STARD9: variants seen among roughly 807,000 people sequenced by gnomAD.
The protein encoded by STARD9 is StAR related lipid transfer domain containing 9, also known as stAR-related lipid transfer protein 9.
In STARD9, 346 loss-of-function variants were observed where a neutral mutation model predicts 399.8. The ratio of observed to expected loss-of-function variants is 0.87; its 90% CI spans 0.79 to 0.95. The LOEUF (loss-of-function observed/expected upper bound fraction) is 0.95. STARD9 is among the 40% of genes least tolerant of loss of function. The pLI, the probability that STARD9 is intolerant of heterozygous loss-of-function variation, is 0.00. For synonymous variants in STARD9, 2,203 were observed against 2,143.5 expected, an observed-to-expected ratio of 1.03 and a Z score of -0.77; for missense variants, 5,832 against 5,667.5, an observed-to-expected ratio of 1.03 and a Z score of -0.93.
intron 26 of STARD9, among the ~76,000 whole-genome samples, chr15:42,700,404 A>G (rs569457670): frequency 6.6e-6 from 1 of 152,354 alleles, no homozygotes; most frequent in Admixed American, 6.5e-5. Flanking sequence ...CCAGCAGTGT[A>G]TAAGAGTTCC....
At position 42,691,244 on chromosome 15, in the gene STARD9, T is replaced by G. The variant is rs996948883; in HGVS notation, c.9666T>G (p.Gly3222=). Residue 3222 remains glycine, a synonymous_variant, in exon 23 of 33, where the codon GGT becomes GGG. Transcript: ENST00000290607. ...EEQHRDQASG[G]GEGFAQGVNP... ...AGCACAGAGACCAGGCTTCAGGTGG[T>G]GGAGAAGGCTTCGCCCAGGGTGTGA... 6.5e-7 allele frequency: 1 copy of G among 1,537,102 alleles called. No individual in the cohort carries two copies.
chr15:42,689,297 A>G lies in STARD9; in HGVS notation c.7719A>G (p.Thr2573=), dbSNP rs1050033269. ...TTCATGACTTTGTGGCCAGGGGCAC[A>G]GTCCTTTCTTACTGTGAAACTTTAC... is the stretch of plus-strand genomic sequence containing the variant. ...KQLHDFVARG[T]VLSYCETLLE... is the part of the protein sequence containing the mutation. Residue 2573 remains threonine (T), a synonymous_variant, in exon 23 of 33, where the codon ACA becomes ACG. Coordinates refer to ENST00000290607, the MANE Select transcript of STARD9 (RefSeq NM_020759.3). 2 of 1,537,160 alleles carry G rather than the reference A, an allele frequency of 1.3e-6. No individual in the cohort carries two copies. Among genetic ancestry groups the G allele is most frequent in the South Asian group, 1.2e-5 (1 of 84,072 alleles).
At chr15:42,649,261 C>T (rs2059708559) in intron 7 of STARD9, among the ~76,000 whole-genome samples, 1 of 152,092 alleles carries the variant, frequency 6.6e-6, no homozygotes, top group African/African-American at 2.4e-5. Flanking sequence ...AACTCCTGAC[C>T]TCATGATCCA....
intron 3 of STARD9, among the ~76,000 whole-genome samples, chr15:42,613,350 AAG>A (rs766098434): frequency 1.3e-5 from 2 of 152,130 alleles, no homozygotes; most frequent in Non-Finnish European, 2.9e-5. Context: ...GCATTTAGCA[AAG>A]AGGGGATATT....
rs1209468304 is a variant in STARD9 at position 42,685,283 on chromosome 15, T to C, written c.3705T>C (p.Phe1235=). ...CTGACGAGATACCCACAGAGACTTT[T>C]TGGCACCTGGAGGACTCTAGTCTGC... ...GSADEIPTET[F]WHLEDSSLPV... is the part of the protein sequence containing the mutation. Residue 1235 remains phenylalanine, a synonymous_variant, in exon 23 of 33, where the codon TTT becomes TTC. Coordinates refer to ENST00000290607, the MANE Select transcript of STARD9 (RefSeq NM_020759.3). 1 of 1,537,556 alleles carries C rather than the reference T, an allele frequency of 6.5e-7. No individual in the cohort carries two copies. The highest frequency in any genetic ancestry group is 1.2e-5 in the South Asian group (1 of 84,060).
chr15:42,603,549 C>T (rs1296198125), intron 3 of STARD9, among the ~76,000 whole-genome samples: 2 of 152,082 alleles, frequency 1.3e-5, no homozygotes, highest in Middle Eastern at 3.2e-3. Flanking sequence ...ACAGTGGAAT[C>T]ACAATAAAGA....
chr15:42,621,495 C>T (rs1004763123), intron 3 of STARD9, among the ~76,000 whole-genome samples: 1 of 152,236 alleles, frequency 6.6e-6, no homozygotes, highest in Non-Finnish European at 1.5e-5. Context: ...GGTTCAGATA[C>T]AGCCTGAGGC....
rs1241360459 is a variant in STARD9 at position 42,690,640 on chromosome 15, T to C, written c.9062T>C (p.Leu3021Ser). The change falls in exon 23 of 33, where the codon TTG becomes TCG. Residue 3021 changes from leucine (L) to serine (S), a missense_variant. Around this residue, in one of 2 missense-constraint regions of STARD9, gnomAD observed 5,828 missense variants for 5,651.1 expected, o/e 1.03. Transcript: ENST00000290607. ...GEISRGPDVH[L>S]THGLEPKDVN... ...ATCTCTAGGGGACCTGATGTGCACT[T>C]GACACATGGCCTTGAGCCCAAAGAT... 1 of 1,537,094 alleles carries C rather than the reference T, an allele frequency of 6.5e-7. No individual in the cohort carries two copies. Among genetic ancestry groups the C allele is most frequent in the Non-Finnish European group, 8.7e-7 (1 of 1,146,900 alleles).
chr15:42,612,361 C>T (rs1399005053), intron 3 of STARD9, among the ~76,000 whole-genome samples: 3 of 152,118 alleles, frequency 2.0e-5, no homozygotes, highest in Non-Finnish European at 4.4e-5. Flanking sequence ...GCTAAAAATG[C>T]TTACCTTTGC....
At chr15:42,661,738 T>A (rs1303370610) in intron 10 of STARD9, among the ~76,000 whole-genome samples, 1 of 151,906 alleles carries the variant, frequency 6.6e-6, no homozygotes, top group Non-Finnish European at 1.5e-5. Flanking sequence ...ATTACAAGCG[T>A]GAGCCACTGC....
chr15:42,713,315 A>T (rs914378961), intron 26 of STARD9, among the ~76,000 whole-genome samples: 1 of 152,146 alleles, frequency 6.6e-6, no homozygotes, highest in African/African-American at 2.4e-5. Context: ...TTCATTTATT[A>T]GTTCTGATGG....
chr15:42,577,302 C>T (rs920395016), intron 1 of STARD9, among the ~76,000 whole-genome samples: 4 of 152,064 alleles, frequency 2.6e-5, no homozygotes, highest in African/African-American at 9.7e-5. Context: ...TACAGGCACC[C>T]GCCACCATGC....
At chr15:42,707,555 C>T (rs531775213) in intron 26 of STARD9, among the ~76,000 whole-genome samples, 88 of 151,450 alleles carry the variant, frequency 5.8e-4, no homozygotes, top group African/African-American at 2.0e-3. Context: ...CTCCAGCCTC[C>T]GACTCCTGGG....
chr15:42,686,962 A>G lies in STARD9; in HGVS notation c.5384A>G (p.Lys1795Arg), dbSNP rs2060574895. ...CAAGCTCTCCAAGGTGCTTATTTGA[A>G]GAATAATTTGCCAGTGCTGTTACAA... ...NHQALQGAYL[K>R]NNLPVLLQNQ... Residue 1795 changes from lysine to arginine, a missense_variant, in exon 23 of 33, where the codon AAG (lysine) becomes AGG (arginine). Transcript: ENST00000290607. 2.0e-6 allele frequency: 3 copies of G among 1,536,524 alleles called. No homozygotes were observed. The highest frequency in any genetic ancestry group is 2.6e-6 in the Non-Finnish European group (3 of 1,146,712).
chr15:42,602,546 C>G (rs1389407385), intron 3 of STARD9, among the ~76,000 whole-genome samples: 2 of 152,204 alleles, frequency 1.3e-5, no homozygotes, highest in Non-Finnish European at 2.9e-5. Context: ...TACAGAATCT[C>G]CTTGGGTGCA....
intron 16 of STARD9, chr15:42,672,305 T>C (rs2060218549): frequency 6.6e-6 from 1 of 152,216 alleles, no homozygotes; most frequent in Non-Finnish European, 1.5e-5. Flanking sequence ...GTTACTGATA[T>C]GCTGGACTTC....
intron 3 of STARD9, among the ~76,000 whole-genome samples, chr15:42,587,379 G>C (rs1166417052): frequency 6.6e-6 from 1 of 152,156 alleles, no homozygotes; most frequent in Admixed American, 6.5e-5. Flanking sequence ...GGGATTTGCT[G>C]TCACAGTGGG....
chr15:42,651,235 G>T, intron 8 of STARD9, 150 bp downstream of exon 8: 1 of 496,418 alleles, frequency 2.0e-6, no homozygotes, highest in African/African-American at 1.9e-5. Context: ...GAACAATAGT[G>T]TTCACAGGGT....
intron 15 of STARD9, among the ~76,000 whole-genome samples, chr15:42,666,932 A>G (rs2060113477): frequency 6.6e-6 from 1 of 151,336 alleles, no homozygotes; most frequent in South Asian, 2.1e-4. Flanking sequence ...CTCCTGCCTA[A>G]GCCTCCTGAG....
Sources: allele counts gnomAD v4.1 joint callset (sites outside exome capture counted in the v4.1 genomes callset), GRCh38; gene constraint gnomAD v4.1.1; regional missense constraint gnomAD v4.1.1; transcripts MANE v1.5; gene names NCBI Gene and HGNC (gene_info 2026-07-23, HGNC 2026-07-21).